SLC35F3: variants seen among roughly 807,000 people sequenced by gnomAD.
The protein encoded by SLC35F3 is putative thiamine transporter SLC35F3.
SLC35F3 carries 25 observed loss-of-function variants against 49.9 expected under a neutral mutation model. The ratio of observed to expected loss-of-function variants is 0.50; its 90% CI spans 0.37 to 0.70. The LOEUF is 0.70. Among genes scored for constraint, SLC35F3 ranks in the 30% least tolerant of loss-of-function variants. The probability of loss-of-function intolerance (pLI) is 0.00; values close to 1 mark genes in which losing one functional copy is unlikely to be tolerated. For missense variants in SLC35F3, 525 were observed against 639.8 expected (o/e 0.82, Z 1.94); for synonymous variants, 275 against 265.4 (o/e 1.04, Z -0.35).
rs578115430 is a variant in SLC35F3, at chr1:234,188,397, C to G, written c.284-43020C>G. Among the ~76,000 whole-genome samples the G allele has an allele frequency of 4.0e-4, 61 of 152,190 alleles. No individual in the cohort carries two copies. The South Asian group carries it at 9.3e-3, about 23-fold the overall frequency. On this transcript the variant is annotated intron_variant, in intron 2 of 7. Transcript: ENST00000366618. ...AATGAGACTGGCCTTTTGGGTTGTG[C>G]GGGAGCTGGATGAGGCCTGTAACTG... is the stretch of plus-strand genomic sequence containing the variant.
chr1:234,087,406 A>G (rs950729160), intron 2 of SLC35F3, among the ~76,000 whole-genome samples: 2 of 152,206 alleles, frequency 1.3e-5, no homozygotes, highest in Non-Finnish European at 2.9e-5. Context: ...GAAGGTCCAC[A>G]ATCCGAGGTT....
intron 3 of SLC35F3, among the ~76,000 whole-genome samples, chr1:234,273,849 A>G (rs1346342463): frequency 1.3e-5 from 2 of 152,148 alleles, no homozygotes; most frequent in African/African-American, 2.4e-5. Context: ...GGGTGCCACA[A>G]TCCAGCTCCC....
At chr1:234,241,755 A>C (rs1667556540) in intron 3 of SLC35F3, among the ~76,000 whole-genome samples, 1 of 151,380 alleles carries the variant, frequency 6.6e-6, no homozygotes, top group African/African-American at 2.4e-5. Flanking sequence ...AAAAAAAAAA[A>C]ATGGAGACAA....
At chr1:234,248,879 GC>G (rs772322938) in intron 3 of SLC35F3, among the ~76,000 whole-genome samples, 1 of 152,144 alleles carries the variant, frequency 6.6e-6, no homozygotes, top group Non-Finnish European at 1.5e-5. Context: ...CAGAGTGAAG[GC>G]CAGGTGAAAA....
At chr1:234,194,475 G>T (rs1193680600) in intron 2 of SLC35F3, among the ~76,000 whole-genome samples, 1 of 152,116 alleles carries the variant, frequency 6.6e-6, no homozygotes, top group Non-Finnish European at 1.5e-5. Context: ...AGGGATAAAA[G>T]ACTACAAATT....
intron 2 of SLC35F3, among the ~76,000 whole-genome samples, chr1:234,078,516 G>C (rs1664829652): frequency 6.6e-6 from 1 of 152,126 alleles, no homozygotes; most frequent in Non-Finnish European, 1.5e-5. Flanking sequence ...GATCCCCCTT[G>C]CTCCTTTCTG....
At chr1:234,308,475 A>G (rs778817730) in intron 3 of SLC35F3, among the ~76,000 whole-genome samples, 30 of 151,966 alleles carry the variant, frequency 2.0e-4, no homozygotes, top group Admixed American at 1.6e-3. Flanking sequence ...TTCTTTTTGT[A>G]GCTCATCAGC....
At chr1:234,262,673 G>C (rs1007231590) in intron 3 of SLC35F3, among the ~76,000 whole-genome samples, 3 of 152,214 alleles carry the variant, frequency 2.0e-5, no homozygotes, top group Non-Finnish European at 4.4e-5. Context: ...TATCAGCCTG[G>C]ATCCTGCAGG....
intron 3 of SLC35F3, among the ~76,000 whole-genome samples, chr1:234,275,945 G>A (rs1362929965): frequency 6.6e-6 from 1 of 151,820 alleles, no homozygotes; most frequent in Non-Finnish European, 1.5e-5. Flanking sequence ...TAAGACTGAG[G>A]CACCAGCAGC....
intron 2 of SLC35F3, among the ~76,000 whole-genome samples, chr1:234,044,742 C>A (rs2102854734): frequency 6.6e-6 from 1 of 152,222 alleles, no homozygotes; most frequent in South Asian, 2.1e-4. Context: ...CTGTGCATTT[C>A]CTTTGCCAAT....
At chr1:234,261,174 C>A (rs1667898642) in intron 3 of SLC35F3, among the ~76,000 whole-genome samples, 1 of 151,904 alleles carries the variant, frequency 6.6e-6, no homozygotes, top group Non-Finnish European at 1.5e-5. Flanking sequence ...AGAAAGGGTT[C>A]TTGGATCTCA....
chr1:234,153,255 G>A (rs146105896), intron 2 of SLC35F3, among the ~76,000 whole-genome samples: 71 of 152,306 alleles, frequency 4.7e-4, no homozygotes, highest in African/African-American at 1.6e-3. Flanking sequence ...GAGCATTACA[G>A]TAAGTGGGGC....
At chr1:234,273,972 T>TA (rs150823566) in intron 3 of SLC35F3, among the ~76,000 whole-genome samples, 9,139 of 152,212 alleles carry the variant, frequency 0.06, 325 homozygotes, top group African/African-American at 0.097. Context: ...GGCCACATGC[T>TA]GGATAGTGTT....
chr1:234,304,680 A>AT (rs1425610068), intron 3 of SLC35F3, among the ~76,000 whole-genome samples: 2 of 152,114 alleles, frequency 1.3e-5, no homozygotes, highest in Admixed American at 6.5e-5. Flanking sequence ...ATTATATTCC[A>AT]CACCATCTAT....
chr1:234,103,629 G>A (rs752859328), intron 2 of SLC35F3, among the ~76,000 whole-genome samples: 12 of 152,244 alleles, frequency 7.9e-5, no homozygotes, highest in South Asian at 2.1e-4. Context: ...AGCTGAAATC[G>A]TTGGCCCAGA....
chr1:234,154,111 C>G (rs1666116806), intron 2 of SLC35F3, among the ~76,000 whole-genome samples: 1 of 151,950 alleles, frequency 6.6e-6, no homozygotes, highest in Admixed American at 6.6e-5. Context: ...TGGTATATGC[C>G]TGTAGTCCCA....
At chr1:234,221,593 G>A (rs967914770) in intron 2 of SLC35F3, among the ~76,000 whole-genome samples, 9 of 152,154 alleles carry the variant, frequency 5.9e-5, no homozygotes, top group African/African-American at 1.9e-4. Flanking sequence ...TGAAGAGGTG[G>A]GAAAGGGTTC....
chr1:234,062,844 A>ATTTTTT (rs71170448), intron 2 of SLC35F3, among the ~76,000 whole-genome samples: 1 of 132,506 alleles, frequency 7.5e-6, no homozygotes, highest in Non-Finnish European at 1.6e-5. Context: ...CGCCTGGCTA[A>ATTTTTT]TTTTTTTTTT....
chr1:234,286,367 A>G (rs940653989), intron 3 of SLC35F3, among the ~76,000 whole-genome samples: 4 of 152,340 alleles, frequency 2.6e-5, no homozygotes, highest in African/African-American at 4.8e-5. Context: ...ACATGGATCT[A>G]TAAGATACAG....
Sources: gnomAD v4.1 joint callset for allele counts (sites outside exome capture counted in the v4.1 genomes callset) on GRCh38, gnomAD v4.1.1 for gene constraint, MANE v1.5 for transcripts, NCBI Gene and HGNC (gene_info 2026-07-23, HGNC 2026-07-21) for gene names.